SRPK2: variants seen among roughly 807,000 people sequenced by gnomAD.
SRPK2 encodes SFRS protein kinase 2.
A neutral mutation model predicts 90.8 loss-of-function variants in SRPK2; 21 were observed. That is an observed-to-expected ratio of 0.23 (90% confidence interval 0.16 to 0.33). The LOEUF is 0.33. Ranked by LOEUF, SRPK2 falls within the 10% of genes least tolerant of loss-of-function variation. The pLI is 1.00. For missense variants in SRPK2, 620 were observed against 869.0 expected, an observed-to-expected ratio of 0.71 and a Z score of 3.60; for synonymous variants, 288 against 311.1, an observed-to-expected ratio of 0.93 and a Z score of 0.78.
intron 2 of SRPK2, among the ~76,000 whole-genome samples, chr7:105,310,508 G>A (rs1198986406): frequency 1.3e-5 from 2 of 152,118 alleles, no homozygotes; most frequent in African/African-American, 2.4e-5. Flanking sequence ...GCAGGGCATG[G>A]TGGCACACTC....
chr7:105,290,122 A>G (rs184652207), intron 2 of SRPK2, among the ~76,000 whole-genome samples: 1 of 152,044 alleles, frequency 6.6e-6, no homozygotes, highest in East Asian at 1.9e-4. Flanking sequence ...ACAGATCACT[A>G]TAATCACAGA....
chr7:105,389,018 G>A, upstream of SRPK2: 1 of 978,792 alleles, frequency 1.0e-6, no homozygotes, highest in Non-Finnish European at 1.2e-6. Flanking sequence ...GGCCCCGGGG[G>A]TCGGGACCCC....
intron 2 of SRPK2, among the ~76,000 whole-genome samples, chr7:105,297,760 G>A (rs1373890753): frequency 2.0e-5 from 1 of 49,524 alleles, no homozygotes. Context: ...TTTTTTTTTT[G>A]AGACGGAGTC....
chr7:105,354,976 A>G (rs1381322631), intron 2 of SRPK2, among the ~76,000 whole-genome samples: 2 of 152,204 alleles, frequency 1.3e-5, no homozygotes, highest in African/African-American at 2.4e-5. Context: ...GATATTTGAT[A>G]TAAATTAAAT....
intron 2 of SRPK2, among the ~76,000 whole-genome samples, chr7:105,339,911 G>C (rs942757728): frequency 6.6e-6 from 1 of 151,920 alleles, no homozygotes; most frequent in Non-Finnish European, 1.5e-5. Flanking sequence ...CACAAAAATT[G>C]TCCTGGCGCA....
In SRPK2 at chr7:105,209,289, C is replaced by T. The variant is rs557930865; in HGVS notation, c.72-5504G>A. 5.9e-5 allele frequency among the ~76,000 whole-genome samples: 9 copies of T among 152,146 alleles called. No homozygotes were observed. The South Asian group carries it at 1.2e-3, about 21-fold the overall frequency. On this transcript the variant is annotated intron_variant, in intron 2 of 15. Transcript: ENST00000393651. ...TTCAGGCCGGGTGCAGTGGCCCCCA[C>T]AGGTGATCCCAGCACTTTGGGGAGG...
chr7:105,148,191 C>G (rs1478442445), intron 7 of SRPK2, among the ~76,000 whole-genome samples: 3 of 152,182 alleles, frequency 2.0e-5, no homozygotes, highest in African/African-American at 7.2e-5. Context: ...TTTATCCACC[C>G]AAGTGGATAT....
intron 2 of SRPK2, among the ~76,000 whole-genome samples, chr7:105,388,365 C>T (rs1319774330): frequency 5.3e-5 from 8 of 150,558 alleles, no homozygotes; most frequent in African/African-American, 1.9e-4. Context: ...CTGCCCGGCG[C>T]CTTTCCGCCG....
intron 2 of SRPK2, among the ~76,000 whole-genome samples, chr7:105,229,434 A>G (rs1047031324): frequency 6.6e-6 from 1 of 151,894 alleles, no homozygotes; most frequent in African/African-American, 2.4e-5. Flanking sequence ...ACTGCACTCC[A>G]GCCTGGGCGA....
intron 3 of SRPK2, among the ~76,000 whole-genome samples, chr7:105,194,448 A>G (rs1450692137): frequency 6.6e-6 from 1 of 152,344 alleles, no homozygotes; most frequent in Non-Finnish European, 1.5e-5. Flanking sequence ...TTGTGTGTAG[A>G]GAAAACCTAG....
rs141753352 is a variant in SRPK2 at position 105,357,692 on chromosome 7, C to G, written c.71+30956G>C. ...CCAGGAGGCGGAGGTTACAGTGAGC[C>G]AAGATCACACCATTGCACTCCAGCC... On this transcript the variant is annotated intron_variant, in intron 2 of 15. Transcript: ENST00000393651. Among the ~76,000 whole-genome samples, 428 of 151,474 alleles carry G rather than the reference C, an allele frequency of 2.8e-3. 10 individuals are homozygous for G. The East Asian group carries it at 0.056, about 20-fold the overall frequency.
chr7:105,169,065 C>T (rs529999977), intron 4 of SRPK2, 92 bp downstream of exon 4: 4 of 1,109,802 alleles, frequency 3.6e-6, no homozygotes, highest in East Asian at 4.8e-5. Flanking sequence ...CATACCTCAA[C>T]AAAGCAGTGG....
At chr7:105,127,193 C>A in intron 13 of SRPK2, 131 bp from the exon 14 acceptor site, 1 of 710,488 alleles carries the variant, frequency 1.4e-6, no homozygotes, top group Non-Finnish European at 2.3e-6. Flanking sequence ...TGAAAGTGCT[C>A]AATACTAATT....
At chr7:105,280,193 T>C (rs1192499621) in intron 2 of SRPK2, among the ~76,000 whole-genome samples, 11 of 152,188 alleles carry the variant, frequency 7.2e-5, no homozygotes, top group African/African-American at 1.7e-4. Context: ...AGTGGGCAGA[T>C]TGCTTCAGGT....
At chr7:105,297,207 T>C (rs1025065409) in intron 2 of SRPK2, among the ~76,000 whole-genome samples, 9 of 152,206 alleles carry the variant, frequency 5.9e-5, no homozygotes, top group African/African-American at 2.2e-4. Flanking sequence ...TTTTTTGCGA[T>C]TACTTTTGGA....
At chr7:105,208,323 C>A (rs1206125657) in intron 2 of SRPK2, among the ~76,000 whole-genome samples, 1 of 152,156 alleles carries the variant, frequency 6.6e-6, no homozygotes, top group East Asian at 1.9e-4. Context: ...AGCATATATC[C>A]AGCAAAATCT....
rs778839470 is a variant in SRPK2 at position 105,302,834 on chromosome 7, T to C, written c.71+85814A>G. On this transcript the variant is annotated intron_variant, in intron 2 of 15. Transcript: ENST00000393651. ...AACATTTCTCTTGCATATACCAGGA[T>C]GGGAGTAAAAGATGCCTTAACATTT... Among the ~76,000 whole-genome samples, 14 of 151,884 alleles carry C rather than the reference T, an allele frequency of 9.2e-5. No homozygotes were observed. The East Asian group carries it at 9.7e-4, about 10-fold the overall frequency.
At chr7:105,281,713 A>G (rs1807368869) in intron 2 of SRPK2, among the ~76,000 whole-genome samples, 1 of 152,218 alleles carries the variant, frequency 6.6e-6, no homozygotes, top group South Asian at 2.1e-4. Context: ...TCACTTACAA[A>G]AGCAGCAAAA....
chr7:105,188,601 T>C (rs1793888678), intron 3 of SRPK2, among the ~76,000 whole-genome samples: 1 of 152,220 alleles, frequency 6.6e-6, no homozygotes, highest in Non-Finnish European at 1.5e-5. Flanking sequence ...GGAACTCCAT[T>C]ACTTCATTTC....
Sources: allele counts gnomAD v4.1 joint callset (sites outside exome capture counted in the v4.1 genomes callset), GRCh38; gene constraint gnomAD v4.1.1; transcripts MANE v1.5; gene names NCBI Gene and HGNC (gene_info 2026-07-23, HGNC 2026-07-21).